The following USP6NL variants were observed in gnomAD, a reference collection of about 807,000 sequenced individuals.
USP6NL encodes USP6 N-terminal like.
In USP6NL, 26 loss-of-function variants were observed where a neutral mutation model predicts 61.9. That is an observed-to-expected ratio of 0.42 (90% CI 0.31 to 0.58). The LOEUF is 0.58. USP6NL is among the 20% of genes least tolerant of loss of function. The pLI is 0.16. For synonymous variants in USP6NL, 432 were observed against 390.1 expected (o/e 1.11, Z -1.27); for missense variants, 1,114 against 1,034.3 (o/e 1.08, Z -1.06).
In USP6NL at chr10:11,602,822, A is replaced by G. The variant is rs1838585361; in HGVS notation, c.-83-5105T>C. 6.6e-6 allele frequency among the ~76,000 whole-genome samples: 1 copy of G among 152,232 alleles called. No homozygotes were observed. Among genetic ancestry groups the G allele is most frequent in the Non-Finnish European group, 1.5e-5 (1 of 68,038 alleles). On this transcript the variant is annotated intron_variant, in intron 1 of 14. Coordinates refer to ENST00000609104, the MANE Select transcript of USP6NL (RefSeq NM_014688.5). The surrounding 1 kb of genome is among the most constrained non-coding windows in gnomAD (Gnocchi z 4.8). ...CTTCTGGTCCCAAGCATTTCAGGTA[A>G]GAGATACTCAACCTGTCATATCTTC...
intron 2 of USP6NL, chr10:11,573,771 A>G (rs140347552): frequency 5.1e-4 from 204 of 397,460 alleles, no homozygotes; most frequent in African/African-American, 3.8e-3. Flanking sequence ...AGAAAGCTCA[A>G]GCACGAACAC....
intron 2 of USP6NL, among the ~76,000 whole-genome samples, chr10:11,567,122 A>T (rs569616713): frequency 6.6e-6 from 1 of 152,250 alleles, no homozygotes; most frequent in African/African-American, 2.4e-5. Flanking sequence ...TCGAAAATTT[A>T]AAAATGGGGG....
rs1400954646 is a variant in USP6NL at position 11,602,633 on chromosome 10, G to T, written c.-83-4916C>A. 6.6e-6 allele frequency among the ~76,000 whole-genome samples: 1 copy of T among 152,158 alleles called. No individual in the cohort carries two copies. The highest frequency in any genetic ancestry group is 1.5e-5 in the Non-Finnish European group (1 of 68,032). On this transcript the variant is annotated intron_variant, in intron 1 of 14. Transcript: ENST00000609104. This position sits in a 1 kb window ranked among gnomAD's most constrained non-coding sequence, Gnocchi z 4.8. Reference sequence around the variant, plus strand: ...TGTCAGGGCAGACTCCCAGGTGCTGGTTGAGTATGCCAAATCTAAACTTTC... The same window carrying T: ...TGTCAGGGCAGACTCCCAGGTGCTGTTTGAGTATGCCAAATCTAAACTTTC...
At chr10:11,543,442 T>TG (rs1836146065) in intron 2 of USP6NL, among the ~76,000 whole-genome samples, 1 of 151,900 alleles carries the variant, frequency 6.6e-6, no homozygotes, top group Non-Finnish European at 1.5e-5. Context: ...CTTGGGAGGC[T>TG]GAAGCAGGAG....
chr10:11,596,574 A>G lies in USP6NL; in HGVS notation c.4+1057T>C, dbSNP rs1838335620. 6.6e-6 allele frequency among the ~76,000 whole-genome samples: 1 copy of G among 150,700 alleles called. No homozygotes were observed. The highest frequency in any genetic ancestry group is 1.5e-5 in the Non-Finnish European group (1 of 67,738). On this transcript the variant is annotated intron_variant, in intron 2 of 14. Coordinates refer to ENST00000609104, the MANE Select transcript of USP6NL (RefSeq NM_014688.5). The surrounding 1 kb of genome is among the most constrained non-coding windows in gnomAD (Gnocchi z 4.1). Reference sequence around the variant, plus strand: ...AGGAGGTGGAGCTTGCAGTGAGCGGAGATGGTGCCACTGCACTGCAGCCTG... The same window carrying G: ...AGGAGGTGGAGCTTGCAGTGAGCGGGGATGGTGCCACTGCACTGCAGCCTG...
rs757555393 is a variant in USP6NL at position 11,525,768 on chromosome 10, G to C, written c.73-300C>G. On this transcript the variant is annotated intron_variant, in intron 3 of 14. Coordinates refer to ENST00000609104, the MANE Select transcript of USP6NL (RefSeq NM_014688.5). The surrounding 1 kb of genome is among the most constrained non-coding windows in gnomAD (Gnocchi z 5.0). ...GGGAAGCTAATGAGGAAAGAAGAGC[G>C]ATGGGGATGAGAAAGCCACTCCAGA... is the stretch of plus-strand genomic sequence containing the variant. 4.6e-5 allele frequency among the ~76,000 whole-genome samples: 7 copies of C among 152,302 alleles called. No homozygotes were observed. Among genetic ancestry groups the C allele is most frequent in the Middle Eastern group, 3.4e-3 (1 of 294 alleles).
At chr10:11,546,026 G>A (rs576001139) in intron 2 of USP6NL, among the ~76,000 whole-genome samples, 3 of 152,272 alleles carry the variant, frequency 2.0e-5, no homozygotes, top group Admixed American at 6.5e-5. Flanking sequence ...TTTAATTGAC[G>A]ATTTTTAATA....
rs973185373 is a variant in USP6NL, at chr10:11,561,198, AT to A, written c.5-33632del. Among the ~76,000 whole-genome samples the A allele has an allele frequency of 3.9e-5, 6 of 152,216 alleles. No homozygotes were observed. The highest frequency in any genetic ancestry group is 7.4e-5 in the Non-Finnish European group (5 of 68,024). On this transcript the variant is annotated intron_variant, in intron 2 of 14. Transcript: ENST00000609104. This position sits in a 1 kb window ranked among gnomAD's most constrained non-coding sequence, Gnocchi z 4.1. Reference sequence around the variant, plus strand: ...GCTTTATACATCCAAAAAAAATAACATTGTAGAATACCTCATTTCCTAACTG... The same window carrying A: ...GCTTTATACATCCAAAAAAAATAACATGTAGAATACCTCATTTCCTAACTG...
intron 4 of USP6NL, among the ~76,000 whole-genome samples, chr10:11,521,958 A>G (rs1450427909): frequency 6.6e-6 from 1 of 152,234 alleles, no homozygotes; most frequent in African/African-American, 2.4e-5. Flanking sequence ...TTTGATTAAA[A>G]TGTTAAAGTT....
chr10:11,489,145 C>G lies in USP6NL; in HGVS notation c.621G>C (p.Trp207Cys). ...LMYMNEEDAFWALVKLFSGPK... is the reference protein window; with the variant it reads ...LMYMNEEDAFCALVKLFSGPK... ...GGCCTGAGAAGAGTTTGACCAGGGC[C>G]CAGAAGGCATCTTCCTCGTTCATAT... Residue 207 changes from tryptophan (W) to cysteine (C), a missense_variant, in exon 10 of 15, where the codon TGG becomes TGC. Trp to Cys is a radical substitution (Grantham distance 215). Transcript: ENST00000609104. The surrounding 1 kb of genome is among the most constrained non-coding windows in gnomAD (Gnocchi z 5.7). 6.2e-7 allele frequency: 1 copy of G among 1,613,900 alleles called. No individual in the cohort carries two copies. Among genetic ancestry groups the G allele is most frequent in the African/African-American group, 1.3e-5 (1 of 75,028 alleles).
chr10:11,571,328 C>T (rs547442340), intron 2 of USP6NL, among the ~76,000 whole-genome samples: 1 of 152,136 alleles, frequency 6.6e-6, no homozygotes, highest in Admixed American at 6.5e-5. Flanking sequence ...TCAGGTGATC[C>T]GCCCACCTCG....
intron 2 of USP6NL, among the ~76,000 whole-genome samples, chr10:11,538,025 T>C (rs1297351942): frequency 6.6e-6 from 1 of 152,258 alleles, no homozygotes; most frequent in African/African-American, 2.4e-5. Context: ...GCCAATATTT[T>C]ATACATAGAG....
Position 11,591,141 on chromosome 10 carries a change from A to AGG in USP6NL, c.4+6488_4+6489dup, listed in dbSNP as rs1838147918. 6.6e-6 allele frequency among the ~76,000 whole-genome samples: 1 copy of AGG among 152,200 alleles called. No homozygotes were observed. Among genetic ancestry groups the AGG allele is most frequent in the South Asian group, 2.1e-4 (1 of 4,832 alleles). ...TAACGTGGCTACCAGCAGCAAAGCC[A>AGG]GGGTTCCACCTCAAGTCTCTGGGAC... is the stretch of plus-strand genomic sequence containing the variant. On this transcript the variant is annotated intron_variant, in intron 2 of 14. Transcript: ENST00000609104. This position sits in a 1 kb window ranked among gnomAD's most constrained non-coding sequence, Gnocchi z 4.7.
At chr10:11,517,659 T>G (rs550276906) in intron 5 of USP6NL, among the ~76,000 whole-genome samples, 11 of 152,242 alleles carry the variant, frequency 7.2e-5, no homozygotes, top group Non-Finnish European at 1.5e-4. Flanking sequence ...TATAGGGTTC[T>G]CTATATACAT....
At chr10:11,607,677 CCCTGT>C (rs1264599455) in intron 1 of USP6NL, among the ~76,000 whole-genome samples, 1 of 152,046 alleles carries the variant, frequency 6.6e-6, no homozygotes, top group Non-Finnish European at 1.5e-5. Context: ...CAGGGTGAGA[CCCTGT>C]CACAGGAAAA....
chr10:11,575,462 T>C lies in USP6NL; in HGVS notation c.4+22169A>G, dbSNP rs1484185629. ...CATTAGCTTTCCTCTCTCCCAGTCT[T>C]TCTCTTTCTGCAAGGAAGGAGATAA... On this transcript the variant is annotated intron_variant, in intron 2 of 14. Coordinates refer to ENST00000609104, the MANE Select transcript of USP6NL (RefSeq NM_014688.5). The surrounding 1 kb of genome is among the most constrained non-coding windows in gnomAD (Gnocchi z 4.2). 9.9e-5 allele frequency among the ~76,000 whole-genome samples: 15 copies of C among 152,246 alleles called. No individual in the cohort carries two copies. Among genetic ancestry groups the C allele is most frequent in the Admixed American group, 9.8e-4 (15 of 15,286 alleles).
intron 2 of USP6NL, among the ~76,000 whole-genome samples, chr10:11,580,803 T>C (rs1837730602): frequency 6.6e-6 from 1 of 152,104 alleles, no homozygotes; most frequent in South Asian, 2.1e-4. Flanking sequence ...TAAAATATCA[T>C]GATTTCACTC....
At position 11,463,928 on chromosome 10, in the gene USP6NL, G is replaced by A. The variant is rs903139338; in HGVS notation, c.1079-79C>T. On this transcript the variant is annotated intron_variant, in intron 14 of 14. Transcript: ENST00000609104. The surrounding 1 kb of genome is among the most constrained non-coding windows in gnomAD (Gnocchi z 6.3). ...GTTGAAGCAATCCATTAGTAACAAT[G>A]GCATGCTTTTCATCTGTGCACAGAT... The A allele has an allele frequency of 3.8e-6, 5 of 1,330,080 alleles. No homozygotes were observed. Among genetic ancestry groups the A allele is most frequent in the Admixed American group, 5.8e-5 (2 of 34,584 alleles). The allele number at this position is 1,330,080 out of a possible 1,614,324, so 82.4% of individuals were successfully genotyped here.
chr10:11,553,179 T>C lies in USP6NL; in HGVS notation c.5-25612A>G, dbSNP rs367606028. Among the ~76,000 whole-genome samples, 5 of 152,222 alleles carry C rather than the reference T, an allele frequency of 3.3e-5. No homozygotes were observed. Among genetic ancestry groups the C allele is most frequent in the Admixed American group, 1.3e-4 (2 of 15,280 alleles). The stretch of plus-strand genomic sequence containing the variant: ...CTTTTACATTTGCTCCACTATCACA[T>C]TAATCCACAACCATATTTTGGCTAC... On this transcript the variant is annotated intron_variant, in intron 2 of 14. Coordinates refer to ENST00000609104, the MANE Select transcript of USP6NL (RefSeq NM_014688.5). The surrounding 1 kb of genome is among the most constrained non-coding windows in gnomAD (Gnocchi z 4.8).
Sources: allele counts gnomAD v4.1 joint callset (sites outside exome capture counted in the v4.1 genomes callset), GRCh38; gene constraint gnomAD v4.1.1; non-coding constraint Gnocchi (gnomAD v3.1); transcripts MANE v1.5; gene names NCBI Gene and HGNC (gene_info 2026-07-23, HGNC 2026-07-21).